Variants in AMZ2 observed in about 807,000 individuals in gnomAD.
AMZ2 encodes the protein archaelysin family metallopeptidase 2, also known as archaemetzincin-2.
A neutral mutation model predicts 36.7 loss-of-function variants in AMZ2; 26 were observed. The ratio of observed to expected loss-of-function variants is 0.71; its 90% CI spans 0.52 to 0.98. The LOEUF is 0.98. Ranked by LOEUF, AMZ2 falls within the 50% of genes least tolerant of loss-of-function variation. The pLI is 0.00. For synonymous variants in AMZ2, 144 were observed against 149.1 expected, an observed-to-expected ratio of 0.97 and a Z score of 0.25; for missense variants, 394 against 430.5, an observed-to-expected ratio of 0.92 and a Z score of 0.75.
intron 1 of AMZ2, among the ~76,000 whole-genome samples, chr17:68,228,499 C>T (rs1356555349): frequency 1.3e-5 from 2 of 152,216 alleles, no homozygotes; most frequent in Non-Finnish European, 2.9e-5. Context: ...TCCTTCTGTC[C>T]CTTCCTGAGC....
chr17:68,218,928 G>A (rs1480630223), intron 1 of AMZ2, among the ~76,000 whole-genome samples: 30 of 152,030 alleles, frequency 2.0e-4, no homozygotes, highest in Admixed American at 1.8e-3. Flanking sequence ...GTGTCATCTC[G>A]ATTAGACTAG....
intron 2 of AMZ2, 50 bp from the exon 3 acceptor site, chr17:68,250,744 A>G: frequency 6.8e-7 from 1 of 1,475,108 alleles, no homozygotes; most frequent in Middle Eastern, 2.5e-4. Flanking sequence ...CTGGGTAAAC[A>G]CTGAATAATC....
At position 68,251,193 on chromosome 17, in the gene AMZ2, G is replaced by T. The variant is rs1313292989; in HGVS notation, c.586+15G>T. ...TTTGACAGATGGTATTCCGTTTTTG[G>T]CATTGTTGTTAGAAGCTTCTTCAGC... On this transcript the variant is annotated intron_variant, in intron 4 of 6. Transcript: ENST00000359904. The T allele has an allele frequency of 6.2e-7, 1 of 1,600,472 alleles. No individual in the cohort carries two copies. Among genetic ancestry groups the T allele is most frequent in the Admixed American group, 1.8e-5 (1 of 55,774 alleles).
rs551742691 is a variant in AMZ2, at chr17:68,233,157, G to T, written c.-66-15483G>T. Among the ~76,000 whole-genome samples the T allele has an allele frequency of 1.2e-4, 19 of 152,320 alleles. No homozygotes were observed. The South Asian group carries it at 3.1e-3, about 25-fold the overall frequency. ...AAGAGGATGCACCAAACTTTGAGGG[G>T]TAGGGACCATTAGGGTCATCAACTA... On this transcript the variant is annotated intron_variant, in intron 1 of 7. Coordinates refer to the AMZ2 transcript ENST00000674770.
In AMZ2 at chr17:68,250,467, A is replaced by C; in HGVS notation, c.280A>C (p.Ile94Leu). ...PNKRSIYIQS[I>L]GSLGNTRIIS... The stretch of plus-strand genomic sequence containing the variant: ...CAAACGCAGCATTTATATACAGTCC[A>C]TTGGTAAATACTGGTAATGTGCTGG... Residue 94 changes from isoleucine (I) to leucine (L), a missense_variant, in exon 2 of 7, where the codon ATT becomes CTT. By Grantham distance (5) the Ile-to-Leu change is conservative (BLOSUM62 2). Coordinates refer to ENST00000359904, the MANE Select transcript of AMZ2 (RefSeq NM_016627.5). 1.9e-6 allele frequency: 3 copies of C among 1,613,768 alleles called. No homozygotes were observed. Among genetic ancestry groups the C allele is most frequent in the Non-Finnish European group, 2.5e-6 (3 of 1,179,858 alleles).
At chr17:68,250,994 A>T in intron 3 of AMZ2, 27 bp downstream of exon 3, 1 of 1,611,000 alleles carries the variant, frequency 6.2e-7, no homozygotes, top group Non-Finnish European at 8.5e-7. Flanking sequence ...TGCAATTCGA[A>T]CTGAGTATAT....
intron 1 of AMZ2, among the ~76,000 whole-genome samples, chr17:68,237,700 C>T (rs1250370987): frequency 3.2e-4 from 48 of 152,134 alleles, no homozygotes; most frequent in African/African-American, 1.1e-3. Flanking sequence ...CAGTTTCCAG[C>T]TTTTGGGAAA....
Position 68,211,822 on chromosome 17 carries a change from ATG to A in AMZ2, c.-67+5586_-67+5587del, listed in dbSNP as rs1555726113. ...TGTGTATATGTATATATGTATGTGT[ATG>A]TATATGTATATATGTACATGTATAT... On this transcript the variant is annotated intron_variant, in intron 1 of 7. Coordinates refer to the AMZ2 transcript ENST00000674770. Among the ~76,000 whole-genome samples the A allele has an allele frequency of 3.8e-4, 55 of 144,522 alleles. 2 individuals are homozygous for A. The highest frequency in any genetic ancestry group is 7.4e-4 in the Non-Finnish European group (49 of 65,774). 94.8% of individuals were successfully genotyped at this position (144,522 alleles called of 152,430 possible).
At chr17:68,229,319 G>C (rs1356321497) in intron 1 of AMZ2, among the ~76,000 whole-genome samples, 1 of 150,816 alleles carries the variant, frequency 6.6e-6, no homozygotes, top group Non-Finnish European at 1.5e-5. Context: ...CCCTCAGCCC[G>C]GGTGCCTGTC....
At chr17:68,239,629 C>T (rs139117531) in intron 1 of AMZ2, among the ~76,000 whole-genome samples, 3 of 152,292 alleles carry the variant, frequency 2.0e-5, no homozygotes, top group East Asian at 1.9e-4. Context: ...TTCACTGCAC[C>T]TGCTTCCAGA....
upstream of AMZ2, among the ~76,000 whole-genome samples, chr17:68,245,733 C>T (rs1320200799): frequency 2.0e-5 from 3 of 152,016 alleles, no homozygotes; most frequent in African/African-American, 7.3e-5. Flanking sequence ...CTTCAGACAC[C>T]TCGTATAGAG....
At chr17:68,220,476 T>C (rs2073317968) in intron 1 of AMZ2, among the ~76,000 whole-genome samples, 1 of 151,832 alleles carries the variant, frequency 6.6e-6, no homozygotes, top group African/African-American at 2.4e-5. Context: ...ATCCTCAGTC[T>C]AGTAGCTTGA....
In AMZ2 at chr17:68,254,350, T is replaced by G. The variant is rs140707933; in HGVS notation, c.587-54T>G. The G allele has an allele frequency of 3.2e-4, 500 of 1,543,588 alleles. 5 individuals are homozygous for G. The African/African-American group carries it at 6.1e-3, about 19-fold the overall frequency. ...GGCCAGCAGTCTCTTCTTTCTTTGG[T>G]CTTTCTTCAGGGACCTTACTCTCAT... On this transcript the variant is annotated intron_variant, in intron 4 of 6. Coordinates refer to ENST00000359904, the MANE Select transcript of AMZ2 (RefSeq NM_016627.5).
rs1167764840 is a variant in AMZ2, at chr17:68,211,013, A to G, written c.-67+4775A>G. Among the ~76,000 whole-genome samples, 4 of 151,920 alleles carry G rather than the reference A, an allele frequency of 2.6e-5. No homozygotes were observed. The South Asian group carries it at 6.2e-4, about 24-fold the overall frequency. On this transcript the variant is annotated intron_variant, in intron 1 of 7. Coordinates refer to the AMZ2 transcript ENST00000674770. ...TTTATGTTATGCATACTTTACCACA[A>G]TTTTCAAAAATTATTTGAAAGAAGC...
At chr17:68,238,814 G>A (rs1322064335) in intron 1 of AMZ2, among the ~76,000 whole-genome samples, 1 of 152,178 alleles carries the variant, frequency 6.6e-6, no homozygotes. Flanking sequence ...AGTAACTAAA[G>A]TGGGAAATCA....
chr17:68,210,038 A>T (rs897111475), intron 1 of AMZ2, among the ~76,000 whole-genome samples: 2 of 152,198 alleles, frequency 1.3e-5, no homozygotes, highest in East Asian at 3.8e-4. Context: ...ATAAAAATAA[A>T]AAGTGTTGGG....
At chr17:68,240,145 G>A (rs1306008520) in intron 1 of AMZ2, among the ~76,000 whole-genome samples, 1 of 152,190 alleles carries the variant, frequency 6.6e-6, no homozygotes, top group Non-Finnish European at 1.5e-5. Flanking sequence ...CAGAGATAGT[G>A]TCTTCTTGCA....
chr17:68,230,832 TGA>T (rs555217072), intron 1 of AMZ2, among the ~76,000 whole-genome samples: 83 of 152,236 alleles, frequency 5.5e-4, no homozygotes, highest in South Asian at 5.2e-3. Flanking sequence ...ATGAGAAAGC[TGA>T]GTCTCAGTGA....
intron 1 of AMZ2, among the ~76,000 whole-genome samples, chr17:68,224,574 C>G: frequency 7.0e-6 from 1 of 142,330 alleles, no homozygotes; most frequent in East Asian, 2.2e-4. Context: ...GAGACAGGGT[C>G]TCACTCTGTT....
Sources: allele counts gnomAD v4.1 joint callset (sites outside exome capture counted in the v4.1 genomes callset), GRCh38; gene constraint gnomAD v4.1.1; transcripts MANE v1.5; gene names NCBI Gene and HGNC (gene_info 2026-07-23, HGNC 2026-07-21).